The following STARD10 variants were observed in gnomAD, a reference collection of about 807,000 sequenced individuals.
The protein encoded by STARD10 is StAR related lipid transfer domain containing 10.
A neutral mutation model predicts 36.0 loss-of-function variants in STARD10; 24 were observed. That is an observed-to-expected ratio of 0.67 (90% CI 0.48 to 0.94). The LOEUF is 0.94. Ranked by LOEUF, STARD10 falls within the 40% of genes least tolerant of loss-of-function variation. The pLI, the probability that STARD10 is intolerant of heterozygous loss-of-function variation, is 0.00. For synonymous variants in STARD10, 156 were observed against 161.9 expected (o/e 0.96, Z 0.28); for missense variants, 335 against 396.6 (o/e 0.84, Z 1.32).
chr11:72,755,170 G>C (rs1858626681), intron 6 of STARD10, 28 bp from the exon 7 acceptor site: 3 of 1,594,932 alleles, frequency 1.9e-6, no homozygotes, highest in East Asian at 2.3e-5. Context: ...CGCCGGGTCA[G>C]GGGGTGGCTA....
intron 5 of STARD10, chr11:72,756,015 C>T: frequency 2.6e-6 from 1 of 383,800 alleles, no homozygotes; most frequent in Middle Eastern, 7.2e-4. Context: ...CCTAGGTAAG[C>T]ACAGGCTATA....
chr11:72,765,819 A>AAAAAT (rs1251749019), intron 2 of STARD10, among the ~76,000 whole-genome samples: 1 of 150,940 alleles, frequency 6.6e-6, no homozygotes, highest in African/African-American at 2.4e-5. Context: ...AAAAATACAA[A>AAAAAT]AAAAAAAAAA....
intron 1 of STARD10, among the ~76,000 whole-genome samples, chr11:72,792,154 A>G (rs1859153642): frequency 7.0e-6 from 1 of 142,714 alleles, no homozygotes; most frequent in Non-Finnish European, 1.5e-5. Context: ...GGTTCACGCC[A>G]TTCTCCTGCC....
intron 1 of STARD10, among the ~76,000 whole-genome samples, chr11:72,787,086 A>G (rs1247116595): frequency 2.1e-5 from 3 of 142,616 alleles, no homozygotes; most frequent in Non-Finnish European, 3.1e-5. Flanking sequence ...CCTGTGTCCA[A>G]AAAAAAAAAA....
chr11:72,761,079 C>T (rs1386247734), intron 2 of STARD10, among the ~76,000 whole-genome samples: 4 of 152,078 alleles, frequency 2.6e-5, no homozygotes, highest in African/African-American at 9.7e-5. Flanking sequence ...AAGGACACAC[C>T]GACACCTGCT....
chr11:72,773,767 CTCG>C (rs1858894958), intron 2 of STARD10, among the ~76,000 whole-genome samples: 1 of 152,200 alleles, frequency 6.6e-6, no homozygotes, highest in African/African-American at 2.4e-5. Context: ...ATCACGTTAT[CTCG>C]TCCTTATGCA....
At chr11:72,786,076 G>T (rs1198473691) in intron 1 of STARD10, 1 of 152,578 alleles carries the variant, frequency 6.6e-6, no homozygotes, top group Non-Finnish European at 1.5e-5. Context: ...AGCAGGCCGG[G>T]CGCGGTGGCT....
chr11:72,771,904 C>G (rs1858863236), intron 2 of STARD10, among the ~76,000 whole-genome samples: 1 of 152,140 alleles, frequency 6.6e-6, no homozygotes, highest in East Asian at 1.9e-4. Flanking sequence ...GCCAGTGGGA[C>G]AACACAGAGG....
Position 72,755,713 on chromosome 11 carries a change from G to A in STARD10, c.618C>T (p.Phe206=), listed in dbSNP as rs1489957182. ...PKWVVNKSSQ[F]LAPKAMKKMY... is the part of the protein sequence containing the mutation. Reference sequence around the variant, plus strand: ...CAAGGCCACTCACCTTGGGAGCCAGGAACTGAGAAGATTTATTCACCACCC... The same window carrying A: ...CAAGGCCACTCACCTTGGGAGCCAGAAACTGAGAAGATTTATTCACCACCC... The change falls in exon 6 of 7, where the codon TTC becomes TTT. Residue 206 remains phenylalanine, a synonymous_variant. Transcript: ENST00000334805. 5 of 1,613,712 alleles carry A rather than the reference G, an allele frequency of 3.1e-6. No homozygotes were observed. The highest frequency in any genetic ancestry group is 4.2e-6 in the Non-Finnish European group (5 of 1,179,826).
Position 72,787,731 on chromosome 11 carries a change from G to T in STARD10, c.-114+5144C>A, listed in dbSNP as rs990269323. Among the ~76,000 whole-genome samples the T allele has an allele frequency of 5.3e-5, 8 of 152,236 alleles. 1 individual carries two copies. In the South Asian group the frequency reaches 1.7e-3, roughly 31 times the overall value. ...GCCCTCCCTTCAGCTCTGTGCTCAG[G>T]CTGGGTGGGGGTGGGGGCATCGGTG... On this transcript the variant is annotated intron_variant, in intron 1 of 6. Coordinates refer to ENST00000334805, the MANE Select transcript of STARD10 (RefSeq NM_006645.3).
intron 2 of STARD10, chr11:72,766,215 G>T (rs895070282): frequency 1.3e-5 from 2 of 152,152 alleles, no homozygotes; most frequent in East Asian, 3.8e-4. Flanking sequence ...CAGATACTAT[G>T]TACCCTGGGT....
chr11:72,789,338 T>C (rs1859113671), intron 1 of STARD10, among the ~76,000 whole-genome samples: 2 of 152,228 alleles, frequency 1.3e-5, no homozygotes, highest in Admixed American at 6.5e-5. Flanking sequence ...CTCCGAGGCC[T>C]GGCCTCTGTC....
chr11:72,779,468 A>C (rs1368855110), intron 2 of STARD10, among the ~76,000 whole-genome samples: 5 of 152,166 alleles, frequency 3.3e-5, no homozygotes, highest in African/African-American at 1.2e-4. Context: ...GGTGTGCACC[A>C]GCAGTCCCAG....
At chr11:72,792,228 G>GTA (rs1859155638) in intron 1 of STARD10, among the ~76,000 whole-genome samples, 1 of 149,096 alleles carries the variant, frequency 6.7e-6, no homozygotes, top group Admixed American at 6.7e-5. Context: ...TTTTTTTTTT[G>GTA]TATTTTTAGT....
In STARD10 at chr11:72,758,638, G is replaced by C; in HGVS notation, c.356-5C>G. The C allele has an allele frequency of 6.2e-7, 1 of 1,607,452 alleles. No homozygotes were observed. The highest frequency in any genetic ancestry group is 8.5e-7 in the Non-Finnish European group (1 of 1,174,892). ...TCAGGGGCTTGGGACACCTCCCTGT[G>C]GGGGGCAAGGGACAGTTCAGCCAGA... On this transcript the variant is annotated splice_region_variant and splice_polypyrimidine_tract_variant and intron_variant, in intron 3 of 6. Transcript: ENST00000334805.
intron 2 of STARD10, among the ~76,000 whole-genome samples, chr11:72,765,176 G>C (rs796260208): frequency 1.1e-3 from 165 of 152,312 alleles, no homozygotes; most frequent in African/African-American, 3.6e-3. Context: ...TGAGGCAGGA[G>C]AATCGCTTGA....
chr11:72,755,309 T>A, intron 6 of STARD10, 167 bp from the exon 7 acceptor site: 7 of 459,650 alleles, frequency 1.5e-5, no homozygotes, highest in South Asian at 3.5e-5. Context: ...CTCCATTCTT[T>A]TTTTTTTTTT....
rs373514867 is a variant in STARD10, at chr11:72,759,256, G to A, written c.333C>T (p.Asn111=). 189 of 1,614,034 alleles carry A rather than the reference G, an allele frequency of 1.2e-4. No homozygotes were observed. The highest frequency in any genetic ancestry group is 6.9e-4 in the East Asian group (31 of 44,900). Residue 111 remains asparagine, a synonymous_variant, in exon 3 of 7, where the codon AAC becomes AAT. Coordinates refer to ENST00000334805, the MANE Select transcript of STARD10 (RefSeq NM_006645.3). ...ETFDIARLTV[N]ADVGYYSWRC... ...CACAGGAGTAATAGCCCACGTCAGC[G>A]TTGACTGTCAAGCGGGCGATGTCAA...
chr11:72,761,499 G>C (rs930683391), intron 2 of STARD10, among the ~76,000 whole-genome samples: 3 of 152,154 alleles, frequency 2.0e-5, no homozygotes, highest in Admixed American at 1.3e-4. Context: ...GCTCATACCT[G>C]TCATCCCAGC....
Sources: allele counts gnomAD v4.1 joint callset (sites outside exome capture counted in the v4.1 genomes callset), GRCh38; gene constraint gnomAD v4.1.1; transcripts MANE v1.5; gene names NCBI Gene and HGNC (gene_info 2026-07-23, HGNC 2026-07-21).